Variants in TNR observed in about 807,000 individuals in gnomAD.
TNR encodes tenascin-R.
TNR carries 45 observed loss-of-function variants against 150.4 expected under a neutral mutation model. The ratio of observed to expected loss-of-function variants is 0.30; its 90% CI spans 0.24 to 0.38. The LOEUF (loss-of-function observed/expected upper bound fraction) is 0.38, where lower values mean the gene tolerates loss of function less well. Among genes scored for constraint, TNR ranks in the 10% least tolerant of loss-of-function variants. TNR has a pLI of 1.00. For missense variants in TNR, 1,544 were observed against 1,759.1 expected, an observed-to-expected ratio of 0.88 and a Z score of 2.19; for synonymous variants, 687 against 678.4, an observed-to-expected ratio of 1.01 and a Z score of -0.20.
At chr1:175,381,021 G>A (rs948764475) in intron 8 of TNR, among the ~76,000 whole-genome samples, 2 of 152,238 alleles carry the variant, frequency 1.3e-5, no homozygotes, top group African/African-American at 4.8e-5. Context: ...TAAATTGGGT[G>A]AATCTTTTAG....
intron 1 of TNR, among the ~76,000 whole-genome samples, chr1:175,705,253 A>C (rs992839086): frequency 3.3e-5 from 5 of 152,220 alleles, no homozygotes; most frequent in African/African-American, 1.2e-4. Flanking sequence ...AAGGAGGTAT[A>C]ATAAAGCCTT....
At chr1:175,550,299 C>G (rs1660886620) in intron 1 of TNR, among the ~76,000 whole-genome samples, 1 of 152,162 alleles carries the variant, frequency 6.6e-6, no homozygotes, top group East Asian at 1.9e-4. Context: ...CCTAGAGTCC[C>G]CTCTCTGCCC....
chr1:175,659,601 G>C (rs958733494), intron 1 of TNR, among the ~76,000 whole-genome samples: 1 of 152,142 alleles, frequency 6.6e-6, no homozygotes, highest in Non-Finnish European at 1.5e-5. Flanking sequence ...AAGACCCCAG[G>C]AGCCCAGGAC....
At chr1:175,464,003 T>C (rs926720571) in intron 2 of TNR, among the ~76,000 whole-genome samples, 1 of 152,240 alleles carries the variant, frequency 6.6e-6, no homozygotes, top group Non-Finnish European at 1.5e-5. Flanking sequence ...ATCTGAACCA[T>C]GGATATGCTG....
intron 1 of TNR, among the ~76,000 whole-genome samples, chr1:175,658,452 G>A (rs114879054): frequency 0.012 from 1,828 of 152,256 alleles, 33 homozygotes; most frequent in African/African-American, 0.039. Flanking sequence ...ATGCTGCTAA[G>A]GCCAAGAATG....
chr1:175,481,310 G>A (rs1418118488), intron 2 of TNR, among the ~76,000 whole-genome samples: 1 of 152,220 alleles, frequency 6.6e-6, no homozygotes, highest in East Asian at 1.9e-4. Context: ...TGTCTGGTCG[G>A]TAGAGGCCAC....
intron 18 of TNR, among the ~76,000 whole-genome samples, chr1:175,353,158 A>G (rs967660808): frequency 2.0e-5 from 3 of 150,658 alleles, no homozygotes; most frequent in Non-Finnish European, 4.5e-5. Flanking sequence ...GGGAGGTGGT[A>G]GAGAGAAACA....
intron 1 of TNR, among the ~76,000 whole-genome samples, chr1:175,567,854 C>T (rs1661703560): frequency 1.3e-5 from 2 of 152,104 alleles, no homozygotes; most frequent in African/African-American, 4.8e-5. Context: ...TGAGCTTCTG[C>T]CAGTCTCACA....
intron 2 of TNR, among the ~76,000 whole-genome samples, chr1:175,488,770 A>G (rs1658119114): frequency 6.6e-6 from 1 of 152,240 alleles, no homozygotes; most frequent in Admixed American, 6.5e-5. Flanking sequence ...TGAAAAGCTC[A>G]TATATCAAGT....
At chr1:175,725,024 C>A (rs943261259) in intron 1 of TNR, among the ~76,000 whole-genome samples, 1 of 152,104 alleles carries the variant, frequency 6.6e-6, no homozygotes, top group Non-Finnish European at 1.5e-5. Flanking sequence ...TCATATAGAG[C>A]CTCGTTAAGA....
intron 3 of TNR, among the ~76,000 whole-genome samples, chr1:175,404,866 T>C (rs562925991): frequency 1.3e-5 from 2 of 152,382 alleles, no homozygotes; most frequent in South Asian, 2.1e-4. Context: ...CTTGCTCTTC[T>C]GTTCTGCAGA....
At chr1:175,419,316 A>G (rs1295093438) in intron 2 of TNR, among the ~76,000 whole-genome samples, 1 of 152,184 alleles carries the variant, frequency 6.6e-6, no homozygotes, top group African/African-American at 2.4e-5. Context: ...ACAAGAATTG[A>G]CCATTTAGCT....
In TNR at chr1:175,431,284, G is replaced by C. The variant is rs376860518; in HGVS notation, c.-63-24507C>G. Among the ~76,000 whole-genome samples, 21 of 152,272 alleles carry C rather than the reference G, an allele frequency of 1.4e-4. 1 individual carries two copies. The South Asian group carries it at 3.9e-3, about 29-fold the overall frequency. ...TAAATTTGTTATGAAAAGTATTTAAGTTTTCATCTCAACTATGTGGTGCTG... is the reference window on the plus strand; with the variant it reads ...TAAATTTGTTATGAAAAGTATTTAACTTTTCATCTCAACTATGTGGTGCTG... On this transcript the variant is annotated intron_variant, in intron 2 of 22. Coordinates refer to ENST00000367674, the MANE Select transcript of TNR (RefSeq NM_003285.3).
At chr1:175,516,063 G>A (rs1659393147) in intron 2 of TNR, among the ~76,000 whole-genome samples, 1 of 152,162 alleles carries the variant, frequency 6.6e-6, no homozygotes, top group African/African-American at 2.4e-5. Context: ...TGTCTGTTGT[G>A]ATTATAGGCT....
chr1:175,408,525 A>G (rs1429753969), intron 2 of TNR, among the ~76,000 whole-genome samples: 1 of 152,144 alleles, frequency 6.6e-6, no homozygotes, highest in Non-Finnish European at 1.5e-5. Context: ...TGCTTCCAAT[A>G]TGGACAGGGA....
intron 1 of TNR, among the ~76,000 whole-genome samples, chr1:175,593,255 T>C (rs888271945): frequency 6.6e-6 from 1 of 152,136 alleles, no homozygotes; most frequent in Non-Finnish European, 1.5e-5. Flanking sequence ...AGAGCACTGA[T>C]AGAGGCCACG....
chr1:175,670,525 A>G (rs900391630), intron 1 of TNR, among the ~76,000 whole-genome samples: 3 of 152,230 alleles, frequency 2.0e-5, no homozygotes, highest in African/African-American at 7.2e-5. Context: ...TTATTCAGCT[A>G]TCATTTAGTG....
At chr1:175,653,282 C>G (rs146648883) in intron 1 of TNR, among the ~76,000 whole-genome samples, 1 of 152,144 alleles carries the variant, frequency 6.6e-6, no homozygotes. Context: ...ATGATTAAAA[C>G]GTAGCCAACG....
chr1:175,375,860 A>T (rs1652353468), intron 9 of TNR, among the ~76,000 whole-genome samples: 1 of 152,184 alleles, frequency 6.6e-6, no homozygotes, highest in South Asian at 2.1e-4. Flanking sequence ...CTCCATCCTA[A>T]GTTCTTGAAT....
Sources: allele counts gnomAD v4.1 joint callset (sites outside exome capture counted in the v4.1 genomes callset), GRCh38; gene constraint gnomAD v4.1.1; transcripts MANE v1.5; gene names NCBI Gene and HGNC (gene_info 2026-07-23, HGNC 2026-07-21).